Variants in EXT2 observed in about 807,000 individuals in gnomAD.
EXT2 encodes the protein exostosin-2.
Under a neutral mutation model 81.6 loss-of-function variants are expected in EXT2, and 53 were observed. That is an observed-to-expected ratio of 0.65 (90% CI 0.52 to 0.82). The LOEUF (loss-of-function observed/expected upper bound fraction) is 0.82, where lower values mean the gene tolerates loss of function less well. EXT2 is among the 40% of genes least tolerant of loss of function. The pLI is 0.00. For synonymous variants in EXT2, 320 were observed against 340.0 expected (o/e 0.94, Z 0.65); for missense variants, 774 against 910.2 (o/e 0.85, Z 1.93).
chr11:44,209,160 T>C (rs989142031), intron 10 of EXT2, among the ~76,000 whole-genome samples: 1 of 152,222 alleles, frequency 6.6e-6, no homozygotes, highest in Non-Finnish European at 1.5e-5. Flanking sequence ...TGAAATTACA[T>C]AGTGCCTCCC....
At chr11:44,221,280 A>G (rs183738784) in intron 10 of EXT2, among the ~76,000 whole-genome samples, 3 of 152,182 alleles carry the variant, frequency 2.0e-5, no homozygotes, top group Non-Finnish European at 2.9e-5. Context: ...TGTGTTCTGC[A>G]CCCTCACCTC....
At chr11:44,135,359 T>G (rs945202853) in intron 7 of EXT2, among the ~76,000 whole-genome samples, 9 of 151,906 alleles carry the variant, frequency 5.9e-5, no homozygotes, top group African/African-American at 2.2e-4. Flanking sequence ...GGTTATCTGC[T>G]AATCTGGTAT....
chr11:44,235,074 A>G (rs1955944960), intron 12 of EXT2, among the ~76,000 whole-genome samples: 1 of 152,146 alleles, frequency 6.6e-6, no homozygotes, highest in African/African-American at 2.4e-5. Flanking sequence ...GGAATAGGAA[A>G]AATCACTATC....
chr11:44,128,456 T>C (rs1954440977), intron 6 of EXT2, among the ~76,000 whole-genome samples: 1 of 152,164 alleles, frequency 6.6e-6, no homozygotes, highest in African/African-American at 2.4e-5. Context: ...CTGTCTTAAG[T>C]ATAGGGAGAC....
At position 44,163,016 on chromosome 11, in the gene EXT2, T is replaced by A. The variant is rs561140968; in HGVS notation, c.1174-8595T>A. ...TTTTGCTTCAAAATCCCTTTTTATGTTAAAGAAAGTAAGTTCTATTAATTG... is the reference window on the plus strand; with the variant it reads ...TTTTGCTTCAAAATCCCTTTTTATGATAAAGAAAGTAAGTTCTATTAATTG... On this transcript the variant is annotated intron_variant, in intron 7 of 13. Transcript: ENST00000533608. Among the ~76,000 whole-genome samples the A allele has an allele frequency of 1.2e-4, 18 of 152,328 alleles. No individual in the cohort carries two copies. The South Asian group carries it at 3.5e-3, about 30-fold the overall frequency.
At chr11:44,177,406 C>T (rs1055106075) in intron 8 of EXT2, among the ~76,000 whole-genome samples, 3 of 152,134 alleles carry the variant, frequency 2.0e-5, no homozygotes, top group Non-Finnish European at 2.9e-5. Context: ...CTTGGCAGAC[C>T]TTCATCCGCA....
chr11:44,222,023 C>T (rs1041959346), intron 10 of EXT2, among the ~76,000 whole-genome samples: 1 of 152,168 alleles, frequency 6.6e-6, no homozygotes, highest in Non-Finnish European at 1.5e-5. Flanking sequence ...ATTTACAGCT[C>T]ATCTCTCGAT....
chr11:44,112,917 G>A (rs1383084871), intron 3 of EXT2, among the ~76,000 whole-genome samples: 1 of 152,192 alleles, frequency 6.6e-6, no homozygotes, highest in African/African-American at 2.4e-5. Context: ...ACTGCCTGGT[G>A]CCTGAATATT....
chr11:44,170,766 A>G (rs190448880), intron 7 of EXT2, among the ~76,000 whole-genome samples: 3 of 152,122 alleles, frequency 2.0e-5, no homozygotes, highest in South Asian at 2.1e-4. Context: ...GCATAATCCT[A>G]TGGCTATGAA....
rs78627094 is a variant in EXT2 at position 44,205,825 on chromosome 11, T to A, written c.1496-968T>A. Among the ~76,000 whole-genome samples the A allele has an allele frequency of 1.2e-3, 186 of 152,316 alleles. 2 individuals are homozygous for A. Among genetic ancestry groups the A allele is most frequent in the African/African-American group, 4.3e-3 (177 of 41,574 alleles). ...CATGATGGACTTTTTGAAAGCAGTA[T>A]GATACCTAGCTTTCCTATTCTCATT... On this transcript the variant is annotated intron_variant, in intron 9 of 13. Transcript: ENST00000533608.
At chr11:44,211,547 C>T (rs1955648572) in intron 10 of EXT2, among the ~76,000 whole-genome samples, 1 of 152,094 alleles carries the variant, frequency 6.6e-6, no homozygotes. Context: ...ATTGTATTAT[C>T]TCACTAAATG....
rs142446942 is a variant in EXT2 at position 44,245,779 on chromosome 11, A to G, written c.*1492A>G. On this transcript the variant is annotated 3_prime_UTR_variant, in exon 14 of 14. Transcript: ENST00000533608. ...AGAGGTCAAAGAAAGTTTCAGAAGT[A>G]GCAAAGTTGGAAGTGGAAATCATAA... Among the ~76,000 whole-genome samples the G allele has an allele frequency of 1.3e-5, 2 of 152,240 alleles. No individual in the cohort carries two copies. Among genetic ancestry groups the G allele is most frequent in the African/African-American group, 4.8e-5 (2 of 41,468 alleles).
intron 13 of EXT2, among the ~76,000 whole-genome samples, chr11:44,237,145 C>G (rs1955975255): frequency 6.6e-6 from 1 of 151,986 alleles, no homozygotes; most frequent in African/African-American, 2.4e-5. Context: ...AAAATGCACT[C>G]AGATAAGGAT....
At chr11:44,180,104 A>C (rs1374383497) in intron 8 of EXT2, among the ~76,000 whole-genome samples, 1 of 152,214 alleles carries the variant, frequency 6.6e-6, no homozygotes, top group African/African-American at 2.4e-5. Flanking sequence ...GAAACCATAG[A>C]ATGAAAATTA....
chr11:44,113,792 G>A (rs986264130), intron 3 of EXT2, among the ~76,000 whole-genome samples: 2 of 152,124 alleles, frequency 1.3e-5, no homozygotes, highest in African/African-American at 4.8e-5. Flanking sequence ...GTTGGTAAAT[G>A]ACTTCCCCAA....
chr11:44,133,599 A>C (rs912772208), intron 7 of EXT2, among the ~76,000 whole-genome samples: 1 of 152,212 alleles, frequency 6.6e-6, no homozygotes. Context: ...TTTCCAAGAA[A>C]TCCTAAATGC....
At chr11:44,239,094 A>AT (rs1956004163) in intron 13 of EXT2, among the ~76,000 whole-genome samples, 1 of 152,214 alleles carries the variant, frequency 6.6e-6, no homozygotes, top group African/African-American at 2.4e-5. Context: ...GAAGGAACAA[A>AT]TTAAATTACA....
intron 1 of EXT2, chr11:44,096,408 T>G: frequency 7.7e-7 from 1 of 1,301,558 alleles, no homozygotes. Context: ...GGGAACTAGA[T>G]GGCCGGGGGC....
intron 8 of EXT2, among the ~76,000 whole-genome samples, chr11:44,175,612 G>A (rs901942936): frequency 6.6e-6 from 1 of 152,130 alleles, no homozygotes; most frequent in Non-Finnish European, 1.5e-5. Context: ...TCAGCAGGAA[G>A]TAACTCTTAG....
Sources: gnomAD v4.1 joint callset for allele counts (sites outside exome capture counted in the v4.1 genomes callset) on GRCh38, gnomAD v4.1.1 for gene constraint, MANE v1.5 for transcripts, NCBI Gene and HGNC (gene_info 2026-07-23, HGNC 2026-07-21) for gene names.